Variants in VPS45 observed in about 807,000 individuals in gnomAD.
VPS45 encodes the protein vacuolar protein sorting-associated protein 45.
In VPS45, 35 loss-of-function variants were observed where a neutral mutation model predicts 75.9. The ratio of observed to expected loss-of-function variants is 0.46; its 90% CI spans 0.35 to 0.61. VPS45 has a LOEUF of 0.61. Among genes scored for constraint, VPS45 ranks in the 20% least tolerant of loss-of-function variants. The probability of loss-of-function intolerance (pLI) is 0.00; values close to 1 mark genes in which losing one functional copy is unlikely to be tolerated. For missense variants in VPS45, 559 were observed against 685.9 expected (o/e 0.81, Z 2.07); for synonymous variants, 220 against 238.2 (o/e 0.92, Z 0.70).
At chr1:150,130,190 C>T (rs1658753806) in intron 14 of VPS45, among the ~76,000 whole-genome samples, 1 of 101,454 alleles carries the variant, frequency 9.9e-6, no homozygotes, top group African/African-American at 4.1e-5. Flanking sequence ...ATATAATACA[C>T]ACACACACTT....
intron 13 of VPS45, among the ~76,000 whole-genome samples, chr1:150,108,435 TTAAA>T (rs1235089866): frequency 1.3e-5 from 2 of 152,128 alleles, no homozygotes; most frequent in African/African-American, 4.8e-5. Flanking sequence ...TAATTTAAAT[TTAAA>T]TAACCATAAG....
Position 150,126,784 on chromosome 1 carries a change from A to G in VPS45, c.1625+16157A>G, listed in dbSNP as rs182083192. Among the ~76,000 whole-genome samples, 24 of 152,258 alleles carry G rather than the reference A, an allele frequency of 1.6e-4. No homozygotes were observed. The East Asian group carries it at 3.9e-3, about 25-fold the overall frequency. Reference sequence around the variant, plus strand: ...GGTTCAAGAACAGCCTGGGCAACATAGTGAGACTCCATCTCCACAAAAAAC... The same window carrying G: ...GGTTCAAGAACAGCCTGGGCAACATGGTGAGACTCCATCTCCACAAAAAAC... On this transcript the variant is annotated intron_variant, in intron 14 of 14. Coordinates refer to ENST00000644510, the MANE Select transcript of VPS45 (RefSeq NM_007259.5).
chr1:150,074,033 G>A (rs1447042824), intron 3 of VPS45, among the ~76,000 whole-genome samples: 1 of 133,262 alleles, frequency 7.5e-6, no homozygotes, highest in African/African-American at 2.8e-5. Context: ...TTTTTTGTCC[G>A]AGAAGCAGTC....
chr1:150,074,721 A>G (rs1553797693), intron 3 of VPS45, among the ~76,000 whole-genome samples: 1 of 152,144 alleles, frequency 6.6e-6, no homozygotes, highest in East Asian at 1.9e-4. Context: ...TAGTATCATA[A>G]GTTCCAATGT....
In VPS45 at chr1:150,091,948, G is replaced by T. The variant is rs1302292445; in HGVS notation, c.1116G>T (p.Arg372Ser). 1 of 1,612,578 alleles carries T rather than the reference G, an allele frequency of 6.2e-7. No homozygotes were observed. Among genetic ancestry groups the T allele is most frequent in the Non-Finnish European group, 8.5e-7 (1 of 1,179,568 alleles). ...CTATCTTTCTTCAGAATATAAAAAG[G>T]CTTCTGCAGAACCCCAAAGTGACAG... ...DHSSALQNIKRLLQNPKVTEF... is the reference protein window; with the variant it reads ...DHSSALQNIKSLLQNPKVTEF... The change falls in exon 11 of 15, where the codon AGG becomes AGT. Residue 372 changes from arginine (R) to serine (S), a missense_variant. Coordinates refer to ENST00000644510, the MANE Select transcript of VPS45 (RefSeq NM_007259.5).
chr1:150,144,800 G>A lies in VPS45; in HGVS notation c.*4G>A, dbSNP rs116597770. On this transcript the variant is annotated 3_prime_UTR_variant, in exon 15 of 15. Coordinates refer to ENST00000644510, the MANE Select transcript of VPS45 (RefSeq NM_007259.5). ...AAGGTCAGCGAGCAGAAGATGAAAC[G>A]GTGGTTGGGGGAAGGGCACAGCTTC... 1.4e-4 allele frequency: 221 copies of A among 1,614,094 alleles called. No homozygotes were observed. The African/African-American group carries it at 2.5e-3, about 18-fold the overall frequency.
At chr1:150,144,350 A>T (rs1370342719) in intron 14 of VPS45, among the ~76,000 whole-genome samples, 2 of 152,340 alleles carry the variant, frequency 1.3e-5, no homozygotes, top group African/African-American at 4.8e-5. Flanking sequence ...CAGTTTCAAG[A>T]GTACAGATAA....
rs1656378115 is a variant in VPS45, at chr1:150,092,376, G to A, written c.1338G>A (p.Val446=). 5 of 1,613,996 alleles carry A rather than the reference G, an allele frequency of 3.1e-6. No homozygotes were observed. The African/African-American group carries it at 6.7e-5, about 22-fold the overall frequency. ...ACCTCTTCAGCCCCAAAGATGCTGT[G>A]GCTATCACCAAACAATTCCTCAAAG... The part of the protein sequence containing the change: ...GSDLFSPKDA[V]AITKQFLKGL... Residue 446 remains valine, a synonymous_variant, in exon 12 of 15, where the codon GTG becomes GTA. Transcript: ENST00000644510.
chr1:150,114,781 T>C lies in VPS45; in HGVS notation c.1625+4154T>C, dbSNP rs973477669. On this transcript the variant is annotated intron_variant, in intron 14 of 14. Transcript: ENST00000644510. ...CAAAAATTAGCTGGGCATGGTAGCA[T>C]GTGTCTGTGGTCCCAGCTACTTGGG... is the stretch of plus-strand genomic sequence containing the variant. 2.0e-5 allele frequency among the ~76,000 whole-genome samples: 3 copies of C among 151,654 alleles called. No individual in the cohort carries two copies. In the South Asian group the frequency reaches 6.3e-4, roughly 32 times the overall value.
chr1:150,081,029 C>T (rs1359860915), intron 7 of VPS45, among the ~76,000 whole-genome samples: 1 of 152,168 alleles, frequency 6.6e-6, no homozygotes, highest in Non-Finnish European at 1.5e-5. Flanking sequence ...CAAAAATATA[C>T]TCTTAATTCA....
chr1:150,099,688 C>A (rs181051740), intron 13 of VPS45, among the ~76,000 whole-genome samples: 1 of 151,350 alleles, frequency 6.6e-6, no homozygotes, highest in Non-Finnish European at 1.5e-5. Flanking sequence ...AAAAAATGAG[C>A]CAGGTGTGGT....
intron 10 of VPS45, 41 bp from the exon 11 acceptor site, chr1:150,091,896 C>T: frequency 6.3e-7 from 1 of 1,589,778 alleles, no homozygotes; most frequent in Non-Finnish European, 8.6e-7. Context: ...ACAGATGACT[C>T]AAGTGAAAGG....
intron 13 of VPS45, chr1:150,099,042 T>C: frequency 9.1e-7 from 1 of 1,101,388 alleles, no homozygotes; most frequent in Non-Finnish European, 1.1e-6. Flanking sequence ...TCATTGGCCT[T>C]TTTTCCTGCA....
At position 150,083,111 on chromosome 1, in the gene VPS45, G is replaced by A. The variant is rs80329687; in HGVS notation, c.1104+228G>A. On this transcript the variant is annotated intron_variant, in intron 10 of 14. Coordinates refer to ENST00000644510, the MANE Select transcript of VPS45 (RefSeq NM_007259.5). ...AGTTAATTAGTATAAGGGCAGCCTA[G>A]TCTACTAGAAAGAGCACCAAACTAG... is the stretch of plus-strand genomic sequence containing the variant. 3.0e-3 allele frequency: 1,187 copies of A among 389,814 alleles called. 17 individuals carry two copies. Among genetic ancestry groups the A allele is most frequent in the African/African-American group, 0.022 (1,057 of 48,422 alleles). 24.1% of individuals were successfully genotyped at this position (389,814 alleles called of 1,614,324 possible). A position where few individuals can be genotyped will look rare whatever the true frequency, so the allele number is the denominator to read the frequency against.
rs76484969 is a variant in VPS45, at chr1:150,082,688, C to T, written c.937-28C>T. ...TATCCTCAGTCAAAAAATAACAGAA[C>T]CTCCCATTGATGTTTTTCCCATGGC... is the stretch of plus-strand genomic sequence containing the variant. On this transcript the variant is annotated intron_variant, in intron 9 of 14. Coordinates refer to ENST00000644510, the MANE Select transcript of VPS45 (RefSeq NM_007259.5). The T allele has an allele frequency of 2.7e-3, 4,357 of 1,600,884 alleles. 111 individuals carry two copies. The African/African-American group carries it at 0.053, about 19-fold the overall frequency.
chr1:150,081,892 C>T lies in VPS45; in HGVS notation c.831C>T (p.Tyr277=), dbSNP rs782326494. The T allele has an allele frequency of 6.2e-7, 1 of 1,608,862 alleles. No homozygotes were observed. The highest frequency in any genetic ancestry group is 8.5e-7 in the Non-Finnish European group (1 of 1,176,740). ...AACTTTCTTTTTCACAGAATATGTA[C>T]CTGAACTTTGCTGAGATTGGTAGCA... ...ENDEFYANNM[Y]LNFAEIGSNI... The change falls in exon 9 of 15, where the codon TAC becomes TAT. Residue 277 remains tyrosine (Y), a synonymous_variant. Coordinates refer to ENST00000644510, the MANE Select transcript of VPS45 (RefSeq NM_007259.5).
intron 14 of VPS45, among the ~76,000 whole-genome samples, chr1:150,130,498 A>G (rs1462352084): frequency 6.6e-6 from 1 of 152,122 alleles, no homozygotes; most frequent in Admixed American, 6.6e-5. Context: ...GGCCTAGCCC[A>G]CATATATTTT....
chr1:150,117,266 A>C (rs1234391533), intron 14 of VPS45, among the ~76,000 whole-genome samples: 1 of 151,802 alleles, frequency 6.6e-6, no homozygotes, highest in Non-Finnish European at 1.5e-5. Context: ...TCATGCCTGT[A>C]ATCCCAGCAC....
At chr1:150,136,771 T>TG in intron 14 of VPS45, among the ~76,000 whole-genome samples, 1 of 121,768 alleles carries the variant, frequency 8.2e-6, no homozygotes, top group Middle Eastern at 4.2e-3. Context: ...GAGCAAGATT[T>TG]AAAAAAAAAA....
Sources: gnomAD v4.1 joint callset for allele counts (sites outside exome capture counted in the v4.1 genomes callset) on GRCh38, gnomAD v4.1.1 for gene constraint, MANE v1.5 for transcripts, NCBI Gene and HGNC (gene_info 2026-07-23, HGNC 2026-07-21) for gene names.